IGSF21: variants seen among roughly 807,000 people sequenced by gnomAD.
IGSF21 encodes the protein immunoglobulin superfamily member 21.
IGSF21 carries 28 observed loss-of-function variants against 46.8 expected under a neutral mutation model. That is an observed-to-expected ratio of 0.60 (90% confidence interval 0.44 to 0.82). IGSF21 has a LOEUF of 0.82. Ranked by LOEUF, IGSF21 falls within the 40% of genes least tolerant of loss-of-function variation. The pLI, the probability that IGSF21 is intolerant of heterozygous loss-of-function variation, is 0.00. For missense variants in IGSF21, 624 were observed against 665.5 expected (o/e 0.94, Z 0.69); for synonymous variants, 284 against 273.6 (o/e 1.04, Z -0.38).
chr1:18,192,063 G>A (rs919174900), intron 1 of IGSF21, among the ~76,000 whole-genome samples: 1 of 152,222 alleles, frequency 6.6e-6, no homozygotes, highest in Non-Finnish European at 1.5e-5. Flanking sequence ...GGCTTCAGAT[G>A]GCAGAAGAGC....
intron 1 of IGSF21, among the ~76,000 whole-genome samples, chr1:18,161,373 G>A (rs1417564719): frequency 6.6e-6 from 1 of 152,102 alleles, no homozygotes; most frequent in East Asian, 1.9e-4. Context: ...ATGACCCTTG[G>A]AGATAGGTCA....
At chr1:18,207,964 G>GA (rs929729754) in intron 1 of IGSF21, among the ~76,000 whole-genome samples, 5 of 151,756 alleles carry the variant, frequency 3.3e-5, no homozygotes, top group South Asian at 4.2e-4. Context: ...ACACTTGGAA[G>GA]AAAAAAAACG....
At position 18,137,572 on chromosome 1, in the gene IGSF21, G is replaced by A. The variant is rs139758510; in HGVS notation, c.70+29374G>A. On this transcript the variant is annotated intron_variant, in intron 1 of 9. Transcript: ENST00000251296. ...GCAGCACCATATTTCATAGCTGGGC[G>A]TGGGAAACTCCAAAGTCCCTCCTTT... Among the ~76,000 whole-genome samples, 87 of 152,266 alleles carry A rather than the reference G, an allele frequency of 5.7e-4. No individual in the cohort carries two copies. In the East Asian group the frequency reaches 0.014, roughly 24 times the overall value.
intron 1 of IGSF21, among the ~76,000 whole-genome samples, chr1:18,129,166 G>A (rs923651473): frequency 1.3e-5 from 2 of 152,176 alleles, no homozygotes; most frequent in Non-Finnish European, 1.5e-5. Context: ...GCAGTATAGC[G>A]TTATGGGGAG....
At chr1:18,266,463 C>G (rs1159373579) in intron 2 of IGSF21, among the ~76,000 whole-genome samples, 2 of 152,194 alleles carry the variant, frequency 1.3e-5, no homozygotes, top group Admixed American at 1.3e-4. Flanking sequence ...GGTAGCTGTG[C>G]ACACTCATAT....
chr1:18,269,037 G>C (rs143539080), intron 2 of IGSF21, among the ~76,000 whole-genome samples: 1 of 152,292 alleles, frequency 6.6e-6, no homozygotes, highest in East Asian at 1.9e-4. Context: ...TCAGCTCCTC[G>C]TCCAAACCTC....
At chr1:18,264,632 T>G (rs556562790) in intron 2 of IGSF21, among the ~76,000 whole-genome samples, 1 of 152,302 alleles carries the variant, frequency 6.6e-6, no homozygotes, top group African/African-American at 2.4e-5. Context: ...TGTTATTTCC[T>G]TAACATACCT....
intron 2 of IGSF21, among the ~76,000 whole-genome samples, chr1:18,278,539 G>GTTTA (rs2085127105): frequency 1.6e-5 from 2 of 128,152 alleles, no homozygotes; most frequent in South Asian, 4.7e-4. Context: ...TTTTTTGTTT[G>GTTTA]TTTGTTTGTT....
intron 2 of IGSF21, among the ~76,000 whole-genome samples, chr1:18,256,325 C>T (rs2124532256): frequency 6.6e-6 from 1 of 152,328 alleles, no homozygotes; most frequent in Non-Finnish European, 1.5e-5. Context: ...TAAATTACAG[C>T]ATTTATTAAA....
chr1:18,239,456 C>T (rs1332065145), intron 2 of IGSF21, among the ~76,000 whole-genome samples: 3 of 152,126 alleles, frequency 2.0e-5, no homozygotes, highest in Non-Finnish European at 4.4e-5. Context: ...CCCTCCCTGC[C>T]CCACACTTCG....
At position 18,266,274 on chromosome 1, in the gene IGSF21, C is replaced by T. The variant is rs1434763170; in HGVS notation, c.184-25592C>T. Among the ~76,000 whole-genome samples the T allele has an allele frequency of 2.6e-5, 4 of 152,250 alleles. 1 individual carries two copies. Among genetic ancestry groups the T allele is most frequent in the Admixed American group, 2.6e-4 (4 of 15,290 alleles). On this transcript the variant is annotated intron_variant, in intron 2 of 9. Coordinates refer to ENST00000251296, the MANE Select transcript of IGSF21 (RefSeq NM_032880.5). ...AGGTAACTTGTTCCAGGCCACACAG[C>T]CAGTATATGGTAGAGCCAGGAGCTG... is the stretch of plus-strand genomic sequence containing the variant.
At chr1:18,188,572 T>C (rs79092770) in intron 1 of IGSF21, among the ~76,000 whole-genome samples, 4,674 of 152,152 alleles carry the variant, frequency 0.031, 240 homozygotes, top group African/African-American at 0.11. Flanking sequence ...TTCTTGAAGG[T>C]TGTCAGCGTG....
At chr1:18,276,936 T>C (rs2085107994) in intron 2 of IGSF21, among the ~76,000 whole-genome samples, 1 of 152,182 alleles carries the variant, frequency 6.6e-6, no homozygotes, top group Non-Finnish European at 1.5e-5. Context: ...TCAGAACTTT[T>C]ATATAACTCA....
chr1:18,334,918 A>G lies in IGSF21; in HGVS notation c.332A>G (p.Asn111Ser), dbSNP rs760373592. The G allele has an allele frequency of 2.2e-5, 35 of 1,613,970 alleles. No individual in the cohort carries two copies. The South Asian group carries it at 2.5e-4, about 12-fold the overall frequency. The change falls in exon 4 of 10, where the codon AAT becomes AGT. Residue 111 changes from asparagine (N) to serine (S), a missense_variant. Transcript: ENST00000251296. This position sits in a 1 kb window ranked among gnomAD's most constrained non-coding sequence, Gnocchi z 4.3. Reference protein sequence around the residue: ...VRLPEVRISDNGPYECHVGIY... With the variant: ...VRLPEVRISDSGPYECHVGIY... ...CTGCCCGAGGTCCGGATCTCAGACA[A>G]TGGTCCCTATGAGTGCCATGTGGGC... is the stretch of plus-strand genomic sequence containing the variant.
chr1:18,278,558 T>C (rs570627580), intron 2 of IGSF21, among the ~76,000 whole-genome samples: 1 of 149,346 alleles, frequency 6.7e-6, no homozygotes, highest in East Asian at 2.0e-4. Flanking sequence ...TTTGTTTGTT[T>C]GTTTGTTTGT....
At chr1:18,210,478 G>C (rs1240182785) in intron 1 of IGSF21, among the ~76,000 whole-genome samples, 3 of 152,222 alleles carry the variant, frequency 2.0e-5, no homozygotes, top group African/African-American at 7.2e-5. Flanking sequence ...GCTAGTGTGG[G>C]GTAACGTTTG....
intron 1 of IGSF21, among the ~76,000 whole-genome samples, chr1:18,187,721 G>GAAAT (rs1378306656): frequency 2.6e-5 from 4 of 151,902 alleles, no homozygotes; most frequent in Non-Finnish European, 2.9e-5. Flanking sequence ...TTACCTCCCA[G>GAAAT]AAATCCTACC....
intron 2 of IGSF21, among the ~76,000 whole-genome samples, chr1:18,239,355 G>A (rs2084703422): frequency 6.6e-6 from 1 of 152,014 alleles, no homozygotes; most frequent in Non-Finnish European, 1.5e-5. Flanking sequence ...CTTGTTGGGT[G>A]TGAGCTCCCA....
intron 2 of IGSF21, among the ~76,000 whole-genome samples, chr1:18,231,816 C>G (rs1450280748): frequency 6.6e-6 from 1 of 151,926 alleles, no homozygotes; most frequent in African/African-American, 2.4e-5. Flanking sequence ...GCTCACCTGA[C>G]AAGAGAATAG....
Sources: allele counts gnomAD v4.1 joint callset (sites outside exome capture counted in the v4.1 genomes callset), GRCh38; gene constraint gnomAD v4.1.1; non-coding constraint Gnocchi (gnomAD v3.1); transcripts MANE v1.5; gene names NCBI Gene and HGNC (gene_info 2026-07-23, HGNC 2026-07-21).